SYNE1: variants seen among roughly 807,000 people sequenced by gnomAD.
SYNE1 encodes nesprin-1.
In SYNE1, 616 loss-of-function variants were observed where a neutral mutation model predicts 1,111.0. The observed-to-expected ratio is 0.55, with a 90% confidence interval of 0.52 to 0.59. SYNE1 has a LOEUF of 0.59. SYNE1 is among the 20% of genes least tolerant of loss of function. The pLI, the probability that SYNE1 is intolerant of heterozygous loss-of-function variation, is 0.00. For missense variants in SYNE1, 10,006 were observed against 10,417.0 expected, an observed-to-expected ratio of 0.96 and a Z score of 1.72; for synonymous variants, 3,855 against 3,825.8, an observed-to-expected ratio of 1.01 and a Z score of -0.28.
rs770498618 is a variant in SYNE1 at position 152,141,266 on chromosome 6, T to G, written c.25183A>C (p.Lys8395Gln). ...CCAGGAAGGCTCTCCTCTTCCTCCTTCAGTTTGTGCTCCAGTCTCTTCACG... is the reference window on the plus strand; with the variant it reads ...CCAGGAAGGCTCTCCTCTTCCTCCTGCAGTTTGTGCTCCAGTCTCTTCACG... ...DSVKRLEHKL[K>Q]EEEESLPGFV... The change falls in exon 139 of 146, where the codon AAG becomes CAG. Residue 8395 changes from lysine (K) to glutamine (Q), a missense_variant. Physicochemically the swap from Lys to Gln is moderately conservative, Grantham distance 53. Transcript: ENST00000367255. 30 of 1,614,088 alleles carry G rather than the reference T, an allele frequency of 1.9e-5. No individual in the cohort carries two copies. Among genetic ancestry groups the G allele is most frequent in the Non-Finnish European group, 2.5e-5 (30 of 1,180,048 alleles).
intron 98 of SYNE1, among the ~76,000 whole-genome samples, chr6:152,271,191 A>T (rs1422858210): frequency 6.6e-6 from 1 of 152,050 alleles, no homozygotes; most frequent in Admixed American, 6.6e-5. Flanking sequence ...TTTTATACTC[A>T]CCATTTTAGG....
rs986317675 is a variant in SYNE1, at chr6:152,472,286, C to T, written c.1463+15G>A. On this transcript the variant is annotated intron_variant, in intron 15 of 145. Coordinates refer to ENST00000367255, the MANE Select transcript of SYNE1 (RefSeq NM_182961.4). ...TTTAAAAAGAGACTTCCTTTAAATG[C>T]AGATATTCTCTTACCTCTCGGCCAT... 1.3e-6 allele frequency: 2 copies of T among 1,585,510 alleles called. No homozygotes were observed. Among genetic ancestry groups the T allele is most frequent in the South Asian group, 1.1e-5 (1 of 90,366 alleles).
At chr6:152,314,925 G>A (rs147427278) in intron 87 of SYNE1, among the ~76,000 whole-genome samples, 2,148 of 38,884 alleles carry the variant, frequency 0.055, 58 homozygotes, top group African/African-American at 0.12. Flanking sequence ...CAATGATGAC[G>A]AGGTTGCAGT....
At position 152,316,845 on chromosome 6, in the gene SYNE1, T is replaced by C. The variant is rs200518752; in HGVS notation, c.16710+4A>G. The C allele has an allele frequency of 1.9e-6, 3 of 1,614,140 alleles. No individual in the cohort carries two copies. The East Asian group carries it at 6.7e-5, about 36-fold the overall frequency. On this transcript the variant is annotated splice_donor_region_variant and intron_variant, in intron 87 of 145. Transcript: ENST00000367255. ...TTTTTAAAGATTATTTTTCCTAAGG[T>C]TACCTGATGCAAAATATATTGTTCC...
At chr6:152,132,002 T>C in intron 144 of SYNE1, 120 bp downstream of exon 144, 1 of 851,496 alleles carries the variant, frequency 1.2e-6, no homozygotes, top group Non-Finnish European at 2.0e-6. Flanking sequence ...CGCGCTACCC[T>C]GTGTGACAGC....
intron 99 of SYNE1, 50 bp from the exon 100 acceptor site, chr6:152,268,215 T>G (rs751071565): frequency 1.8e-5 from 26 of 1,410,898 alleles, no homozygotes; most frequent in African/African-American, 2.8e-5. Flanking sequence ...TTTATGATTA[T>G]TGCCTACAAT....
chr6:152,506,296 C>T (rs2099057961), intron 8 of SYNE1, among the ~76,000 whole-genome samples: 2 of 151,872 alleles, frequency 1.3e-5, no homozygotes, highest in South Asian at 2.1e-4. Context: ...GGCTGCACCC[C>T]TTGAATAAGT....
chr6:152,461,910 GT>G (rs1480547359), intron 20 of SYNE1, among the ~76,000 whole-genome samples, 170 bp from the exon 21 acceptor site: 1 of 151,694 alleles, frequency 6.6e-6, no homozygotes, highest in African/African-American at 2.4e-5. Context: ...ATAAATATTG[GT>G]AATATTATAT....
chr6:152,385,450 C>T (rs2097511348), intron 55 of SYNE1, among the ~76,000 whole-genome samples: 1 of 152,162 alleles, frequency 6.6e-6, no homozygotes, highest in African/African-American at 2.4e-5. Flanking sequence ...GCAACAAGCA[C>T]ATTTGCATAC....
At chr6:152,552,726 T>C (rs1231759118) in intron 3 of SYNE1, among the ~76,000 whole-genome samples, 2 of 152,100 alleles carry the variant, frequency 1.3e-5, no homozygotes, top group African/African-American at 4.8e-5. Flanking sequence ...CACCATGTAA[T>C]TCAATTAGCC....
chr6:152,125,936 A>C (rs2053257425), intron 145 of SYNE1: 1 of 152,358 alleles, frequency 6.6e-6, no homozygotes, highest in South Asian at 2.1e-4. Context: ...TGCACCCCTC[A>C]TCTTTGCAAA....
At chr6:152,608,576 T>C (rs2099622503) in intron 3 of SYNE1, among the ~76,000 whole-genome samples, 2 of 152,230 alleles carry the variant, frequency 1.3e-5, no homozygotes, top group Non-Finnish European at 2.9e-5. Flanking sequence ...AGTCCTATTT[T>C]GCCTTAACTA....
At chr6:152,136,160 A>G (rs1008579143) in intron 141 of SYNE1, among the ~76,000 whole-genome samples, 3 of 152,188 alleles carry the variant, frequency 2.0e-5, no homozygotes, top group African/African-American at 7.2e-5. Context: ...GTCTTCCCCA[A>G]CAAAAGCAGA....
At chr6:152,126,230 T>A (rs971253756) in intron 145 of SYNE1, 1 of 152,172 alleles carries the variant, frequency 6.6e-6, no homozygotes, top group African/African-American at 2.4e-5. Context: ...AACTATCCAC[T>A]GGGAAAATGC....
In SYNE1 at chr6:152,355,638, A is replaced by G. The variant is rs1032770905; in HGVS notation, c.10609-662T>C. On this transcript the variant is annotated intron_variant, in intron 66 of 145. Transcript: ENST00000367255. ...TTTTGAAGAGCATATGCTATTTTTTATAGGACAAAAAGAATCTTATATCCT... is the reference window on the plus strand; with the variant it reads ...TTTTGAAGAGCATATGCTATTTTTTGTAGGACAAAAAGAATCTTATATCCT... 7.9e-5 allele frequency among the ~76,000 whole-genome samples: 12 copies of G among 151,182 alleles called. No individual in the cohort carries two copies. The East Asian group carries it at 1.4e-3, about 17-fold the overall frequency.
chr6:152,572,615 C>T (rs2128320932), intron 3 of SYNE1, among the ~76,000 whole-genome samples: 1 of 152,222 alleles, frequency 6.6e-6, no homozygotes, highest in East Asian at 1.9e-4. Flanking sequence ...CTCATCGTTG[C>T]CAGATACTCA....
intron 14 of SYNE1, among the ~76,000 whole-genome samples, chr6:152,480,601 G>A (rs534761377): frequency 1.7e-4 from 26 of 152,228 alleles, no homozygotes; most frequent in Admixed American, 1.0e-3. Context: ...TTCAATAAAT[G>A]AGAATTGATT....
At chr6:152,358,919 T>A (rs2096884904) in intron 65 of SYNE1, among the ~76,000 whole-genome samples, 1 of 152,212 alleles carries the variant, frequency 6.6e-6, no homozygotes, top group South Asian at 2.1e-4. Flanking sequence ...CATAGTAGAA[T>A]GCGCTCTGAA....
At chr6:152,442,498 A>C (rs1371361271) in intron 30 of SYNE1, among the ~76,000 whole-genome samples, 1 of 152,236 alleles carries the variant, frequency 6.6e-6, no homozygotes, top group East Asian at 1.9e-4. Context: ...AATTTGGAGA[A>C]TATTTAGCAT....
Sources: allele counts gnomAD v4.1 joint callset (sites outside exome capture counted in the v4.1 genomes callset), GRCh38; gene constraint gnomAD v4.1.1; transcripts MANE v1.5; gene names NCBI Gene and HGNC (gene_info 2026-07-23, HGNC 2026-07-21).